Variants in ATG2B observed in about 807,000 individuals in gnomAD.
The protein encoded by ATG2B is autophagy related 2B.
Under a neutral mutation model 241.3 loss-of-function variants are expected in ATG2B, and 121 were observed. The ratio of observed to expected loss-of-function variants is 0.50; its 90% CI spans 0.43 to 0.58. The LOEUF (loss-of-function observed/expected upper bound fraction) is 0.58. Among genes scored for constraint, ATG2B ranks in the 20% least tolerant of loss-of-function variants. ATG2B has a pLI of 0.00. For missense variants in ATG2B, 2,306 were observed against 2,491.6 expected, an observed-to-expected ratio of 0.93 and a Z score of 1.59; for synonymous variants, 858 against 876.6, an observed-to-expected ratio of 0.98 and a Z score of 0.37.
At position 96,325,822 on chromosome 14, in the gene ATG2B, C is replaced by T. The variant is rs753413792; in HGVS notation, c.2264G>A (p.Arg755His). 63 of 1,613,766 alleles carry T rather than the reference C, an allele frequency of 3.9e-5. No individual in the cohort carries two copies. The highest frequency in any genetic ancestry group is 6.7e-5 in the African/African-American group (5 of 74,872). Reference protein sequence around the residue: ...VATPALNLSVRFPIPDLRSDQ... With the variant: ...VATPALNLSVHFPIPDLRSDQ... ...AGATCGAAGATCAGGTATTGGGAAG[C>T]GAACAGAAAGGTTTAATGCTGGTGT... The change falls in exon 15 of 42, where the codon CGC becomes CAC. Residue 755 changes from arginine to histidine, a missense_variant. Physicochemically the swap from Arg to His is conservative, Grantham distance 29 (BLOSUM62 0). Coordinates refer to ENST00000359933, the MANE Select transcript of ATG2B (RefSeq NM_018036.7).
In ATG2B at chr14:96,290,524, C is replaced by T. The variant is rs776463804; in HGVS notation, c.5768G>A (p.Arg1923Lys). The change falls in exon 40 of 42, where the codon AGA becomes AAA. Residue 1923 changes from arginine (R) to lysine (K), a missense_variant. Arg to Lys is a conservative substitution (Grantham distance 26). Transcript: ENST00000359933. This position sits in a 1 kb window ranked among gnomAD's most constrained non-coding sequence, Gnocchi z 4.4. ...EQYRKDGRIV[R>K]GFQRGAASFG... Reference sequence around the variant, plus strand: ...GGAAGCAGCGCCTCTCTGAAACCCTCTGACAATGCGGCCATCCTTCCGGTA... The same window carrying T: ...GGAAGCAGCGCCTCTCTGAAACCCTTTGACAATGCGGCCATCCTTCCGGTA... 6.2e-7 allele frequency: 1 copy of T among 1,614,226 alleles called. No individual in the cohort carries two copies. Among genetic ancestry groups the T allele is most frequent in the African/African-American group, 1.3e-5 (1 of 75,056 alleles).
At chr14:96,316,494 T>G in intron 21 of ATG2B, 39 bp downstream of exon 21, 1 of 1,588,170 alleles carries the variant, frequency 6.3e-7, no homozygotes, top group Non-Finnish European at 8.6e-7. Flanking sequence ...AATTTAAACA[T>G]GTCTAAAGAG....
chr14:96,294,278 A>G (rs1030276918), intron 36 of ATG2B, among the ~76,000 whole-genome samples: 4 of 152,254 alleles, frequency 2.6e-5, no homozygotes, highest in Admixed American at 6.5e-5. Context: ...ACTGCTCCTC[A>G]TAACAAGGGG....
chr14:96,310,146 T>C (rs376541059), intron 28 of ATG2B, among the ~76,000 whole-genome samples: 3 of 152,162 alleles, frequency 2.0e-5, no homozygotes, highest in Non-Finnish European at 2.9e-5. Context: ...GCTTTTTATA[T>C]GTGAGCATGA....
At chr14:96,338,016 G>T (rs186718110) in intron 6 of ATG2B, among the ~76,000 whole-genome samples, 76 of 152,034 alleles carry the variant, frequency 5.0e-4, no homozygotes, top group South Asian at 1.7e-3. Flanking sequence ...CCTAGGTATT[G>T]TATTTTATTT....
rs897405137 is a variant in ATG2B, at chr14:96,363,167, G to A, written c.-191C>T. On this transcript the variant is annotated 5_prime_UTR_variant, in exon 1 of 42. Transcript: ENST00000359933. ...ACCGCTCGCGCTGGGCCTGGCGGAG[G>A]CAAGACGCAGAGGGGTCCTCCTGGC... 8.2e-5 allele frequency: 50 copies of A among 606,626 alleles called. No individual in the cohort carries two copies. The highest frequency in any genetic ancestry group is 1.2e-4 in the Admixed American group (4 of 32,126). The allele number at this position is 606,626 out of a possible 1,614,324, so 37.6% of individuals were successfully genotyped here.
At chr14:96,351,460 G>C (rs918760159) in intron 1 of ATG2B, among the ~76,000 whole-genome samples, 2 of 152,128 alleles carry the variant, frequency 1.3e-5, no homozygotes, top group African/African-American at 4.8e-5. Context: ...AATTGGCCAG[G>C]CGCAGTGGCT....
Position 96,317,803 on chromosome 14 carries a change from T to C in ATG2B, c.2932A>G (p.Thr978Ala). The change falls in exon 19 of 42, where the codon ACA becomes GCA. Residue 978 changes from threonine to alanine, a missense_variant. Thr to Ala is a moderately conservative substitution (Grantham distance 58). Transcript: ENST00000359933. ...ATGCCATAGGAAATATTCTCGAATGTCTCCACTGGTGAAGGAGCTGTTGGT... is the reference window on the plus strand; with the variant it reads ...ATGCCATAGGAAATATTCTCGAATGCCTCCACTGGTGAAGGAGCTGTTGGT... Reference protein sequence around the residue: ...WEPTAPSPVETFENISYGIGL... With the variant: ...WEPTAPSPVEAFENISYGIGL... The C allele has an allele frequency of 3.1e-6, 5 of 1,612,878 alleles. No individual in the cohort carries two copies. Among genetic ancestry groups the C allele is most frequent in the Non-Finnish European group, 4.2e-6 (5 of 1,179,156 alleles).
At chr14:96,360,296 A>AT (rs1323718099) in intron 1 of ATG2B, among the ~76,000 whole-genome samples, 1 of 152,234 alleles carries the variant, frequency 6.6e-6, no homozygotes, top group East Asian at 1.9e-4. Context: ...AAACATACTT[A>AT]ATCTGTCTTT....
chr14:96,329,666 T>G, intron 11 of ATG2B, 32 bp from the exon 12 acceptor site: 1 of 1,427,744 alleles, frequency 7.0e-7, no homozygotes, highest in Non-Finnish European at 9.7e-7. Flanking sequence ...TTAAGATTAT[T>G]AGTGTTAAAA....
intron 29 of ATG2B, among the ~76,000 whole-genome samples, chr14:96,308,278 ATATAT>A (rs1887052482): frequency 2.2e-4 from 6 of 27,712 alleles, no homozygotes; most frequent in Non-Finnish European, 3.4e-4. Flanking sequence ...ATATATATAT[ATATAT>A]TTTTTTTTTT....
intron 18 of ATG2B, among the ~76,000 whole-genome samples, chr14:96,318,626 C>T (rs115768879): frequency 7.2e-5 from 11 of 152,182 alleles, no homozygotes; most frequent in African/African-American, 2.4e-4. Flanking sequence ...TTATGACTAG[C>T]GAGACTAGCC....
rs1289273171 is a variant in ATG2B at position 96,280,391 on chromosome 14, CCT to C, written c.*5362_*5363del. The C allele has an allele frequency of 1.3e-5, 2 of 152,176 alleles. No individual in the cohort carries two copies. Among genetic ancestry groups the C allele is most frequent in the East Asian group, 1.9e-4 (1 of 5,192 alleles). The allele number at this position is 152,176 out of a possible 1,614,324, so 9.4% of individuals were successfully genotyped here. On this transcript the variant is annotated 3_prime_UTR_variant, in exon 42 of 42. Transcript: ENST00000359933. ...TGGAAAACAGGGACTCTAGTAACTGCCTCTGAGTGGGGGCTGTGAAATTATAA... is the reference window on the plus strand; with the variant it reads ...TGGAAAACAGGGACTCTAGTAACTGCCTGAGTGGGGGCTGTGAAATTATAA...
chr14:96,314,005 T>C (rs1391868479), intron 23 of ATG2B, among the ~76,000 whole-genome samples: 2 of 152,218 alleles, frequency 1.3e-5, no homozygotes, highest in African/African-American at 4.8e-5. Context: ...CCTTAATGTA[T>C]ACCTAGCTCA....
chr14:96,315,693 TAAG>T (rs1183657447), intron 21 of ATG2B, 110 bp from the exon 22 acceptor site: 3 of 779,402 alleles, frequency 3.8e-6, no homozygotes, highest in African/African-American at 3.5e-5. Context: ...GAATATAACT[TAAG>T]GAGGCATGAT....
At chr14:96,302,852 T>C (rs934468985) in intron 33 of ATG2B, among the ~76,000 whole-genome samples, 4 of 152,200 alleles carry the variant, frequency 2.6e-5, no homozygotes, top group Non-Finnish European at 5.9e-5. Flanking sequence ...TATCAATTTA[T>C]TAGCAATTAG....
intron 34 of ATG2B, among the ~76,000 whole-genome samples, chr14:96,300,060 T>C (rs2139845135): frequency 6.6e-6 from 1 of 152,346 alleles, no homozygotes. Context: ...GTGGCTTTGT[T>C]TTCCTAGCTT....
At chr14:96,347,081 A>T in intron 2 of ATG2B, 98 bp downstream of exon 2, 1 of 1,142,874 alleles carries the variant, frequency 8.7e-7, no homozygotes, top group Non-Finnish European at 1.2e-6. Flanking sequence ...AAAATTTCAC[A>T]AATACAAAGC....
intron 23 of ATG2B, among the ~76,000 whole-genome samples, 178 bp from the exon 24 acceptor site, chr14:96,313,613 C>G (rs576421215): frequency 1.3e-5 from 2 of 152,152 alleles, no homozygotes; most frequent in East Asian, 3.9e-4. Flanking sequence ...AAAGTACTTG[C>G]ATCAGAAAAG....
Sources: gnomAD v4.1 joint callset for allele counts (sites outside exome capture counted in the v4.1 genomes callset) on GRCh38, gnomAD v4.1.1 for gene constraint, Gnocchi (gnomAD v3.1) non-coding constraint, MANE v1.5 for transcripts, NCBI Gene and HGNC (gene_info 2026-07-23, HGNC 2026-07-21) for gene names.